The following ABCA10 variants were observed in gnomAD, a reference collection of about 807,000 sequenced individuals.
ABCA10 encodes ATP-binding cassette sub-family A member 10.
In ABCA10, 169 loss-of-function variants were observed where a neutral mutation model predicts 187.5. That is an observed-to-expected ratio of 0.90 (90% confidence interval 0.80 to 1.02). The LOEUF (loss-of-function observed/expected upper bound fraction) is 1.02, where lower values mean the gene tolerates loss of function less well. Ranked by LOEUF, ABCA10 falls within the 50% of genes least tolerant of loss-of-function variation. The pLI, the probability that ABCA10 is intolerant of heterozygous loss-of-function variation, is 0.00. For synonymous variants in ABCA10, 574 were observed against 601.8 expected (o/e 0.95, Z 0.68); for missense variants, 1,727 against 1,812.4 (o/e 0.95, Z 0.86).
intron 1 of ABCA10, among the ~76,000 whole-genome samples, chr17:69,228,198 A>G (rs1477661503): frequency 5.9e-5 from 9 of 152,036 alleles, no homozygotes; most frequent in Non-Finnish European, 1.3e-4. Context: ...AAACAGCTCC[A>G]TAAGCAAACC....
intron 5 of ABCA10, among the ~76,000 whole-genome samples, chr17:69,220,117 T>G (rs1046680120): frequency 3.9e-5 from 6 of 152,186 alleles, no homozygotes; most frequent in African/African-American, 1.2e-4. Context: ...AATAAATTGT[T>G]TAGTTACAAT....
intron 14 of ABCA10, 101 bp downstream of exon 14, chr17:69,193,392 A>G (rs1008042059): frequency 2.0e-6 from 3 of 1,499,042 alleles, no homozygotes; most frequent in Non-Finnish European, 2.7e-6. Context: ...TTTATTATAA[A>G]TTTTCCCTCA....
chr17:69,212,451 G>C lies in ABCA10; in HGVS notation c.1006+2253C>G, dbSNP rs1278385034. 3.9e-5 allele frequency among the ~76,000 whole-genome samples: 6 copies of C among 152,102 alleles called. No individual in the cohort carries two copies. In the East Asian group the frequency reaches 1.2e-3, roughly 29 times the overall value. The stretch of plus-strand genomic sequence containing the variant: ...ACAGAATGTATATTCTGCAGTTGTT[G>C]GGTAGAATATTCTGTAAATATTTGT... On this transcript the variant is annotated intron_variant, in intron 9 of 38. Transcript: ENST00000690296.
chr17:69,160,615 A>AC (rs2074209830), intron 27 of ABCA10, among the ~76,000 whole-genome samples: 1 of 151,978 alleles, frequency 6.6e-6, no homozygotes, highest in African/African-American at 2.4e-5. Flanking sequence ...AAACAAACAA[A>AC]CAAACAAAAA....
At chr17:69,150,728 A>G (rs574880110) in intron 36 of ABCA10, among the ~76,000 whole-genome samples, 63 of 152,344 alleles carry the variant, frequency 4.1e-4, no homozygotes, top group Middle Eastern at 3.4e-3. Flanking sequence ...ATTAAAATAA[A>G]TAAAATTGAA....
chr17:69,211,322 T>TG lies in ABCA10; in HGVS notation c.1006+3381_1006+3382insC, dbSNP rs1219182004. ...ATATACATCATATATATGATATATATATATATATATATATATATATATATA... is the reference window on the plus strand; with the variant it reads ...ATATACATCATATATATGATATATATGATATATATATATATATATATATATA... On this transcript the variant is annotated intron_variant, in intron 9 of 38. Transcript: ENST00000690296. Among the ~76,000 whole-genome samples the TG allele has an allele frequency of 2.9e-3, 26 of 8,864 alleles. 1 individual carries two copies. The highest frequency in any genetic ancestry group is 0.014 in the African/African-American group (23 of 1,622). The allele number at this position is 8,864 out of a possible 152,430, so 5.8% of individuals were successfully genotyped here. A position where few individuals can be genotyped will look rare whatever the true frequency, so the allele number is the denominator to read the frequency against.
In ABCA10 at chr17:69,192,670, A is replaced by G; in HGVS notation, c.1781-17T>C. ...CTTTCCTATCTGAGTAGAAAGGAAG[A>G]TTCAAAAAATTATGTGAAGAGTAAT... is the stretch of plus-strand genomic sequence containing the variant. On this transcript the variant is annotated splice_polypyrimidine_tract_variant and intron_variant, in intron 15 of 38. Coordinates refer to ENST00000690296, the MANE Select transcript of ABCA10 (RefSeq NM_001377321.1). The G allele has an allele frequency of 6.3e-7, 1 of 1,584,438 alleles. No individual in the cohort carries two copies. Among genetic ancestry groups the G allele is most frequent in the Non-Finnish European group, 8.7e-7 (1 of 1,155,484 alleles).
chr17:69,173,604 T>A (rs996671005), intron 25 of ABCA10, among the ~76,000 whole-genome samples: 1 of 152,172 alleles, frequency 6.6e-6, no homozygotes, highest in Non-Finnish European at 1.5e-5. Flanking sequence ...GAGAGAGTTT[T>A]ACATTGCTTA....
intron 1 of ABCA10, among the ~76,000 whole-genome samples, chr17:69,239,746 C>A (rs987097104): frequency 3.9e-5 from 6 of 152,106 alleles, no homozygotes; most frequent in Non-Finnish European, 8.8e-5. Context: ...CTCTGTGAGC[C>A]CAGTGTTATC....
Position 69,184,258 on chromosome 17 carries a change from C to T in ABCA10, c.2497+1219G>A, listed in dbSNP as rs117970648. Among the ~76,000 whole-genome samples, 165 of 152,270 alleles carry T rather than the reference C, an allele frequency of 1.1e-3. 2 individuals are homozygous for T. The East Asian group carries it at 0.029, about 27-fold the overall frequency. On this transcript the variant is annotated intron_variant, in intron 20 of 38. Transcript: ENST00000690296. ...GCCCTCACCTGCTGGTCTTTCTCCA[C>T]CCGCCCTGGTAAACATAATCTCTTG... is the stretch of plus-strand genomic sequence containing the variant.
chr17:69,168,558 A>C (rs2144772109), intron 25 of ABCA10, among the ~76,000 whole-genome samples: 1 of 152,356 alleles, frequency 6.6e-6, no homozygotes, highest in East Asian at 1.9e-4. Flanking sequence ...GCATATTAAC[A>C]GTGCAGTTGA....
intron 1 of ABCA10, among the ~76,000 whole-genome samples, chr17:69,239,354 A>G (rs2074890487): frequency 6.6e-6 from 1 of 152,210 alleles, no homozygotes; most frequent in African/African-American, 2.4e-5. Flanking sequence ...AGAAAGAAAC[A>G]TGTGAGCTGC....
intron 11 of ABCA10, among the ~76,000 whole-genome samples, chr17:69,195,033 A>G (rs2074487821): frequency 6.6e-6 from 1 of 152,226 alleles, no homozygotes; most frequent in Non-Finnish European, 1.5e-5. Context: ...ATATTTAGAA[A>G]TATCTGCTGG....
At position 69,208,371 on chromosome 17, in the gene ABCA10, C is replaced by T. The variant is rs573604394; in HGVS notation, c.1006+6333G>A. Among the ~76,000 whole-genome samples, 66 of 136,312 alleles carry T rather than the reference C, an allele frequency of 4.8e-4. 1 individual carries two copies. Among genetic ancestry groups the T allele is most frequent in the African/African-American group, 1.7e-3 (61 of 35,694 alleles). 89.4% of individuals were successfully genotyped at this position (136,312 alleles called of 152,430 possible). A position where few individuals can be genotyped will look rare whatever the true frequency, so the allele number is the denominator to read the frequency against. On this transcript the variant is annotated intron_variant, in intron 9 of 38. Transcript: ENST00000690296. ...ATGTGGAGCTTGCAGCGACCAAGATCGCGCCACTGCACTCCAGTCTGAGGG... is the reference window on the plus strand; with the variant it reads ...ATGTGGAGCTTGCAGCGACCAAGATTGCGCCACTGCACTCCAGTCTGAGGG...
intron 9 of ABCA10, among the ~76,000 whole-genome samples, chr17:69,206,309 G>A (rs1467602454): frequency 6.6e-6 from 1 of 152,184 alleles, no homozygotes; most frequent in Non-Finnish European, 1.5e-5. Flanking sequence ...GGAAAAAAAT[G>A]AAGTTGGTAC....
chr17:69,155,017 A>T lies in ABCA10; in HGVS notation c.3694+2T>A. On this transcript the variant is annotated splice_donor_variant, in intron 30 of 38. Transcript: ENST00000690296. LOFTEE classifies it high-confidence loss of function. ...AATAATAAAAGGAACAATTGTTCAA[A>T]CCTTTTTTAACACAAAAGGAAACAT... is the stretch of plus-strand genomic sequence containing the variant. 6.4e-7 allele frequency: 1 copy of T among 1,566,044 alleles called. No individual in the cohort carries two copies.
intron 9 of ABCA10, among the ~76,000 whole-genome samples, chr17:69,210,847 C>CATATATATATATATATAT (rs57227408): frequency 0.013 from 494 of 37,766 alleles, 9 homozygotes; most frequent in African/African-American, 0.021. Context: ...ATTTATGCCA[C>CATATATATATATATATAT]ATATATATAT....
At chr17:69,216,478 G>T in intron 6 of ABCA10, 120 bp from the exon 7 acceptor site, 4 of 1,136,032 alleles carry the variant, frequency 3.5e-6, no homozygotes, top group Non-Finnish European at 4.9e-6. Flanking sequence ...CTAAATGGGT[G>T]GCCATACACA....
intron 11 of ABCA10, 87 bp downstream of exon 11, chr17:69,196,977 T>A: frequency 2.0e-6 from 2 of 976,432 alleles, no homozygotes; most frequent in Non-Finnish European, 2.9e-6. Flanking sequence ...CAGTCCAGCC[T>A]CCGCTTGGCA....
Sources: gnomAD v4.1 joint callset for allele counts (sites outside exome capture counted in the v4.1 genomes callset) on GRCh38, gnomAD v4.1.1 for gene constraint, MANE v1.5 for transcripts, NCBI Gene and HGNC (gene_info 2026-07-23, HGNC 2026-07-21) for gene names.